Variants in RALYL observed in about 807,000 individuals in gnomAD.
RALYL encodes RNA-binding Raly-like protein.
In RALYL, 29 loss-of-function variants were observed where a neutral mutation model predicts 35.1. That is an observed-to-expected ratio of 0.83 (90% CI 0.61 to 1.13). The LOEUF (loss-of-function observed/expected upper bound fraction) is 1.13, where lower values mean the gene tolerates loss of function less well. Among genes scored for constraint, RALYL ranks in the 50% most tolerant of loss-of-function variants. The probability of loss-of-function intolerance (pLI) is 0.00; values close to 1 mark genes in which losing one functional copy is unlikely to be tolerated. For missense variants in RALYL, 359 were observed against 360.4 expected (o/e 1.00, Z 0.03); for synonymous variants, 120 against 127.6 (o/e 0.94, Z 0.40).
rs372954746 is a variant in RALYL at position 84,786,298 on chromosome 8, T to G, written c.332+11644T>G. Reference sequence around the variant, plus strand: ...GTGCTGCAATGAACATATGTGTGCATGTATCCTTATAATAGAACGATTTCT... The same window carrying G: ...GTGCTGCAATGAACATATGTGTGCAGGTATCCTTATAATAGAACGATTTCT... On this transcript the variant is annotated intron_variant, in intron 3 of 8. Transcript: ENST00000521268. Among the ~76,000 whole-genome samples, 15 of 152,350 alleles carry G rather than the reference T, an allele frequency of 9.8e-5. No individual in the cohort carries two copies. In the South Asian group the frequency reaches 1.7e-3, roughly 17 times the overall value.
chr8:84,313,159 A>G (rs1031348589), intron 1 of RALYL, among the ~76,000 whole-genome samples: 1 of 152,162 alleles, frequency 6.6e-6, no homozygotes, highest in African/African-American at 2.4e-5. Flanking sequence ...TCCTTTAGCC[A>G]TGGCTGGAGG....
At chr8:84,395,883 T>A (rs1861654484) in intron 1 of RALYL, among the ~76,000 whole-genome samples, 1 of 151,998 alleles carries the variant, frequency 6.6e-6, no homozygotes, top group Admixed American at 6.6e-5. Context: ...ACTATTATAA[T>A]CTTTATTTAT....
At chr8:84,263,422 C>T (rs182517872) in intron 1 of RALYL, among the ~76,000 whole-genome samples, 14 of 152,138 alleles carry the variant, frequency 9.2e-5, no homozygotes, top group African/African-American at 3.4e-4. Context: ...TATGTTGTGA[C>T]ATGACAAGTT....
At chr8:84,857,504 A>G (rs1363549924) in intron 5 of RALYL, among the ~76,000 whole-genome samples, 2 of 152,228 alleles carry the variant, frequency 1.3e-5, no homozygotes, top group African/African-American at 4.8e-5. Context: ...AAAATACAAC[A>G]CACATATTAC....
At chr8:84,383,026 A>T (rs1858351131) in intron 1 of RALYL, among the ~76,000 whole-genome samples, 1 of 151,792 alleles carries the variant, frequency 6.6e-6, no homozygotes, top group Non-Finnish European at 1.5e-5. Context: ...CTCAGTGTTT[A>T]ACAAATTGCC....
chr8:84,830,211 T>C (rs1350035499), intron 4 of RALYL, among the ~76,000 whole-genome samples: 1 of 152,148 alleles, frequency 6.6e-6, no homozygotes, highest in Non-Finnish European at 1.5e-5. Context: ...TGTTTCTGAA[T>C]GATCATAAAA....
chr8:84,391,253 T>G lies in RALYL; in HGVS notation c.-23-138046T>G, dbSNP rs570751450. 2.6e-5 allele frequency among the ~76,000 whole-genome samples: 4 copies of G among 152,118 alleles called. No homozygotes were observed. In the South Asian group the frequency reaches 8.3e-4, roughly 31 times the overall value. On this transcript the variant is annotated intron_variant, in intron 1 of 8. Coordinates refer to ENST00000521268, the MANE Select transcript of RALYL (RefSeq NM_173848.7). ...GTAGGTTGGTAGCCGGTTTGGCTGCTTATTAGGAAGCCCTAGGAAAGGTGC... is the reference window on the plus strand; with the variant it reads ...GTAGGTTGGTAGCCGGTTTGGCTGCGTATTAGGAAGCCCTAGGAAAGGTGC...
intron 1 of RALYL, among the ~76,000 whole-genome samples, chr8:84,284,233 G>A (rs1419808406): frequency 6.7e-6 from 1 of 150,274 alleles, no homozygotes; most frequent in Non-Finnish European, 1.5e-5. Flanking sequence ...AGATTACAAG[G>A]TGTGAAAATA....
At chr8:84,749,883 G>A (rs1809540161) in intron 2 of RALYL, among the ~76,000 whole-genome samples, 1 of 152,182 alleles carries the variant, frequency 6.6e-6, no homozygotes, top group Non-Finnish European at 1.5e-5. Context: ...GATGAGCTCT[G>A]GGCTGCTCAT....
intron 1 of RALYL, among the ~76,000 whole-genome samples, chr8:84,333,633 C>G (rs1420865052): frequency 6.6e-6 from 1 of 152,066 alleles, no homozygotes; most frequent in Non-Finnish European, 1.5e-5. Flanking sequence ...AGAAAGCCTG[C>G]TGACTCTCAA....
intron 2 of RALYL, among the ~76,000 whole-genome samples, chr8:84,721,353 T>C (rs1274359850): frequency 4.6e-5 from 7 of 152,192 alleles, no homozygotes; most frequent in Non-Finnish European, 1.0e-4. Context: ...ACTGCAGCAC[T>C]GTTCACAATG....
intron 8 of RALYL, among the ~76,000 whole-genome samples, chr8:84,908,981 A>G (rs1428618919): frequency 1.3e-5 from 2 of 152,074 alleles, no homozygotes; most frequent in African/African-American, 2.4e-5. Context: ...ATACCTCACA[A>G]TTGTTAAAAG....
In RALYL at chr8:84,370,169, C is replaced by T. The variant is rs113308525; in HGVS notation, c.-23-159130C>T. Among the ~76,000 whole-genome samples, 297 of 152,082 alleles carry T rather than the reference C, an allele frequency of 2.0e-3. 2 individuals are homozygous for T. The highest frequency in any genetic ancestry group is 6.8e-3 in the Middle Eastern group (2 of 294). The stretch of plus-strand genomic sequence containing the variant: ...TTGTTCTAGGATGTATTAAAATAAC[C>T]AGTATTTCTTCCAGTGAGCATTGAA... On this transcript the variant is annotated intron_variant, in intron 1 of 8. Transcript: ENST00000521268.
At chr8:84,314,048 G>A (rs577494875) in intron 1 of RALYL, among the ~76,000 whole-genome samples, 1 of 152,246 alleles carries the variant, frequency 6.6e-6, no homozygotes, top group East Asian at 1.9e-4. Flanking sequence ...GAGGGCTCAG[G>A]AAACTTCCAA....
At chr8:84,594,966 G>A (rs1374433408) in intron 2 of RALYL, among the ~76,000 whole-genome samples, 1 of 151,954 alleles carries the variant, frequency 6.6e-6, no homozygotes, top group Non-Finnish European at 1.5e-5. Flanking sequence ...TTATATCATT[G>A]ACAGGTTGGA....
chr8:84,264,285 T>C (rs575469046), intron 1 of RALYL, among the ~76,000 whole-genome samples: 27 of 152,294 alleles, frequency 1.8e-4, no homozygotes, highest in Non-Finnish European at 1.0e-4. Context: ...TGTTGTTTCT[T>C]GGCTTTTTAA....
intron 1 of RALYL, among the ~76,000 whole-genome samples, chr8:84,222,687 A>G (rs573291057): frequency 1.3e-5 from 2 of 152,276 alleles, no homozygotes; most frequent in East Asian, 3.9e-4. Context: ...GTATTAAGTC[A>G]CTTTGGCCAA....
At chr8:84,396,483 A>G (rs905407998) in intron 1 of RALYL, among the ~76,000 whole-genome samples, 7 of 152,138 alleles carry the variant, frequency 4.6e-5, no homozygotes, top group African/African-American at 1.4e-4. Context: ...CATTCATTCA[A>G]TAAACATTAA....
At chr8:84,322,062 T>A (rs1274155951) in intron 1 of RALYL, among the ~76,000 whole-genome samples, 2 of 151,918 alleles carry the variant, frequency 1.3e-5, no homozygotes, top group Non-Finnish European at 2.9e-5. Flanking sequence ...ACAGACAAAA[T>A]CACTATTATA....
Sources: allele counts gnomAD v4.1 joint callset (sites outside exome capture counted in the v4.1 genomes callset), GRCh38; gene constraint gnomAD v4.1.1; transcripts MANE v1.5; gene names NCBI Gene and HGNC (gene_info 2026-07-23, HGNC 2026-07-21).